Variants in MATN2 observed in about 807,000 individuals in gnomAD.
MATN2 encodes the protein matrilin-2.
A neutral mutation model predicts 103.2 loss-of-function variants in MATN2; 69 were observed. The observed-to-expected ratio is 0.67, with a 90% CI of 0.55 to 0.82. MATN2 has a LOEUF of 0.82. MATN2 is among the 40% of genes least tolerant of loss of function. The pLI, the probability that MATN2 is intolerant of heterozygous loss-of-function variation, is 0.00. For synonymous variants in MATN2, 429 were observed against 450.2 expected (o/e 0.95, Z 0.60); for missense variants, 1,023 against 1,211.5 (o/e 0.84, Z 2.31).
At chr8:97,900,521 G>A (rs1018608958) in intron 2 of MATN2, among the ~76,000 whole-genome samples, 1 of 152,200 alleles carries the variant, frequency 6.6e-6, no homozygotes, top group Non-Finnish European at 1.5e-5. Context: ...TTTCTTCCAG[G>A]AGGGCTCAGA....
chr8:97,976,739 C>G (rs75085242), intron 5 of MATN2, among the ~76,000 whole-genome samples: 1,580 of 144,742 alleles, frequency 0.011, 27 homozygotes, highest in African/African-American at 0.039. Flanking sequence ...TTTCCAAAAA[C>G]TTTTTTTTTT....
At chr8:97,924,593 T>C (rs190797738) in intron 2 of MATN2, among the ~76,000 whole-genome samples, 38 of 152,282 alleles carry the variant, frequency 2.5e-4, no homozygotes, top group African/African-American at 8.2e-4. Flanking sequence ...ATTCTCCCCC[T>C]GGCCCTTGAC....
Position 98,018,290 on chromosome 8 carries a change from C to T in MATN2, c.1819+174C>T, listed in dbSNP as rs147485652. ...TCAGTTCAGTAGCCCCTTGCTTTTT[C>T]GGGAATTTCTCAGTCAAGGCCTGAG... is the stretch of plus-strand genomic sequence containing the variant. On this transcript the variant is annotated intron_variant, in intron 12 of 18. Coordinates refer to ENST00000254898, the MANE Select transcript of MATN2 (RefSeq NM_002380.5). 1.8e-3 allele frequency among the ~76,000 whole-genome samples: 273 copies of T among 152,194 alleles called. 1 individual carries two copies. The highest frequency in any genetic ancestry group is 0.018 in the South Asian group (86 of 4,824).
intron 13 of MATN2, among the ~76,000 whole-genome samples, chr8:98,022,815 C>A (rs1034424709): frequency 1.3e-5 from 2 of 152,162 alleles, no homozygotes; most frequent in African/African-American, 2.4e-5. Flanking sequence ...CGGCCGGGCG[C>A]TATGGCTAAC....
At chr8:97,948,754 T>C (rs1810836083) in intron 4 of MATN2, among the ~76,000 whole-genome samples, 1 of 152,196 alleles carries the variant, frequency 6.6e-6, no homozygotes, top group Admixed American at 6.5e-5. Context: ...GAGCAGACAC[T>C]ATTAAATACC....
rs573575893 is a variant in MATN2 at position 97,872,600 on chromosome 8, C to A, written c.-27+3313C>A. Among the ~76,000 whole-genome samples the A allele has an allele frequency of 1.1e-4, 17 of 152,252 alleles. No individual in the cohort carries two copies. In the East Asian group the frequency reaches 2.1e-3, roughly 19 times the overall value. ...TGTAGGCTCTTGGGAAAATGTCTTT[C>A]ATTTTCTGACTTCTAAAACCTGACT... On this transcript the variant is annotated intron_variant, in intron 1 of 18. Transcript: ENST00000254898.
chr8:97,918,115 T>G (rs935550924), intron 2 of MATN2, among the ~76,000 whole-genome samples: 2 of 152,258 alleles, frequency 1.3e-5, no homozygotes, highest in African/African-American at 4.8e-5. Flanking sequence ...TTTTAGAAAG[T>G]TTTAGAAATA....
intron 4 of MATN2, among the ~76,000 whole-genome samples, chr8:97,942,517 G>A (rs1238427547): frequency 6.6e-6 from 1 of 152,128 alleles, no homozygotes; most frequent in Non-Finnish European, 1.5e-5. Flanking sequence ...ACCCCTTAAA[G>A]GACAGAATTA....
At chr8:98,014,050 G>A (rs1451804942) in intron 10 of MATN2, among the ~76,000 whole-genome samples, 1 of 152,166 alleles carries the variant, frequency 6.6e-6, no homozygotes, top group Admixed American at 6.5e-5. Flanking sequence ...CAAGGCTGCA[G>A]TGAACTGCGA....
In MATN2 at chr8:97,890,419, C is replaced by T. The variant is rs377131059; in HGVS notation, c.142+2177C>T. Among the ~76,000 whole-genome samples the T allele has an allele frequency of 2.9e-3, 431 of 149,748 alleles. 2 individuals carry two copies. The highest frequency in any genetic ancestry group is 9.8e-3 in the African/African-American group (396 of 40,418). On this transcript the variant is annotated intron_variant, in intron 2 of 18. Transcript: ENST00000254898. ...AGTGGAGGTTGCAGTGAGCTAAGAT[C>T]GTGCCACTGCACTCTAGCCTGGGTG...
intron 18 of MATN2, 30 bp from the exon 19 acceptor site, chr8:98,035,627 A>G (rs756244925): frequency 7.3e-7 from 1 of 1,378,806 alleles, no homozygotes; most frequent in South Asian, 1.3e-5. Flanking sequence ...AAAATAGACA[A>G]TTCTTCATCT....
At chr8:97,932,526 T>C (rs1461330780) in intron 3 of MATN2, among the ~76,000 whole-genome samples, 2 of 152,162 alleles carry the variant, frequency 1.3e-5, no homozygotes, top group East Asian at 3.8e-4. Flanking sequence ...CTTTCCTCTT[T>C]TGCTTTCTAA....
intron 2 of MATN2, among the ~76,000 whole-genome samples, chr8:97,917,948 T>A (rs1043507127): frequency 2.0e-5 from 3 of 151,976 alleles, no homozygotes; most frequent in Non-Finnish European, 2.9e-5. Context: ...TAGTCGGGTG[T>A]GGTGGGTGTG....
intron 5 of MATN2, among the ~76,000 whole-genome samples, chr8:97,970,226 G>C (rs1040683715): frequency 1.3e-5 from 2 of 152,274 alleles, no homozygotes; most frequent in Non-Finnish European, 2.9e-5. Context: ...GGTAGTAATC[G>C]TTGGGTCATT....
chr8:97,899,449 T>C (rs1357637238), intron 2 of MATN2, among the ~76,000 whole-genome samples: 2 of 152,122 alleles, frequency 1.3e-5, no homozygotes, highest in Non-Finnish European at 2.9e-5. Context: ...ACAACAGAAA[T>C]GTATTGTCTC....
At chr8:97,893,107 C>T (rs891402854) in intron 2 of MATN2, among the ~76,000 whole-genome samples, 1 of 152,122 alleles carries the variant, frequency 6.6e-6, no homozygotes, top group African/African-American at 2.4e-5. Context: ...CAGTGGGTGT[C>T]GCTTTGTCTT....
intron 2 of MATN2, among the ~76,000 whole-genome samples, chr8:97,889,446 T>G (rs997850933): frequency 9.8e-6 from 1 of 102,462 alleles, no homozygotes; most frequent in Non-Finnish European, 1.9e-5. Context: ...CATCTCTCTC[T>G]CTCTCTCTCT....
intron 10 of MATN2, among the ~76,000 whole-genome samples, chr8:98,009,049 A>G (rs1292491545): frequency 6.6e-6 from 1 of 152,212 alleles, no homozygotes; most frequent in Non-Finnish European, 1.5e-5. Context: ...GGCACAGTGG[A>G]ACCATCTACA....
chr8:98,025,781 T>A, intron 13 of MATN2: 1 of 438,298 alleles, frequency 2.3e-6, no homozygotes, highest in Non-Finnish European at 4.5e-6. Context: ...CCATTTTGGA[T>A]CTGTCCATTT....
Sources: allele counts gnomAD v4.1 joint callset (sites outside exome capture counted in the v4.1 genomes callset), GRCh38; gene constraint gnomAD v4.1.1; transcripts MANE v1.5; gene names NCBI Gene and HGNC (gene_info 2026-07-23, HGNC 2026-07-21).